Variants in DNAJC21 observed in about 807,000 individuals in gnomAD.
DNAJC21 encodes dnaJ homolog subfamily C member 21.
Under a neutral mutation model 72.4 loss-of-function variants are expected in DNAJC21, and 63 were observed. That is an observed-to-expected ratio of 0.87 (90% CI 0.71 to 1.07). The LOEUF is 1.07. Ranked by LOEUF, DNAJC21 falls within the 50% of genes least tolerant of loss-of-function variation. DNAJC21 has a pLI of 0.00. For missense variants in DNAJC21, 634 were observed against 644.8 expected (o/e 0.98, Z 0.18); for synonymous variants, 203 against 216.7 (o/e 0.94, Z 0.56).
At chr5:34,943,305 T>G (rs1765060508) in intron 7 of DNAJC21, among the ~76,000 whole-genome samples, 1 of 152,176 alleles carries the variant, frequency 6.6e-6, no homozygotes, top group South Asian at 2.1e-4. Context: ...AAGTACACTG[T>G]TTTCACTTTT....
chr5:34,934,576 A>G (rs1364624731), intron 2 of DNAJC21, among the ~76,000 whole-genome samples: 1 of 152,160 alleles, frequency 6.6e-6, no homozygotes, highest in Non-Finnish European at 1.5e-5. Flanking sequence ...AAACTACTTT[A>G]TATGAAGAAA....
At chr5:34,944,240 G>A (rs772764722) in intron 7 of DNAJC21, among the ~76,000 whole-genome samples, 1 of 152,152 alleles carries the variant, frequency 6.6e-6, no homozygotes, top group African/African-American at 2.4e-5. Context: ...TGTACGTTAC[G>A]GTGGTGAGAG....
intron 9 of DNAJC21, among the ~76,000 whole-genome samples, chr5:34,946,373 A>G (rs1765175016): frequency 6.6e-6 from 1 of 152,172 alleles, no homozygotes; most frequent in Non-Finnish European, 1.5e-5. Flanking sequence ...ATACCTATAA[A>G]AATAAAGTGA....
rs961474180 is a variant in DNAJC21, at chr5:34,957,871, C to T, written c.*3157C>T. On this transcript the variant is annotated 3_prime_UTR_variant, in exon 12 of 12. Coordinates refer to ENST00000648817, the MANE Select transcript of DNAJC21 (RefSeq NM_001012339.3). ...CATTACCATTTATGTGGCAGAAGTT[C>T]TGTTCCCTATAATCTGCAATGCTGA... 1 of 152,208 alleles carries T rather than the reference C, an allele frequency of 6.6e-6. No homozygotes were observed. Among genetic ancestry groups the T allele is most frequent in the Non-Finnish European group, 1.5e-5 (1 of 68,030 alleles). 9.4% of individuals were successfully genotyped at this position (152,208 alleles called of 1,614,324 possible).
intron 9 of DNAJC21, among the ~76,000 whole-genome samples, chr5:34,949,043 CATGG>C (rs1465939625): frequency 1.3e-5 from 2 of 152,146 alleles, no homozygotes; most frequent in African/African-American, 2.4e-5. Flanking sequence ...GGTAAATGGT[CATGG>C]GGACAGGATA....
At chr5:34,943,826 T>G (rs1310872917) in intron 7 of DNAJC21, among the ~76,000 whole-genome samples, 3 of 152,232 alleles carry the variant, frequency 2.0e-5, no homozygotes, top group Non-Finnish European at 4.4e-5. Context: ...ATTTCTTTTT[T>G]TCAGTGTTTT....
chr5:34,942,312 C>T (rs974460156), intron 7 of DNAJC21, among the ~76,000 whole-genome samples: 2 of 151,886 alleles, frequency 1.3e-5, no homozygotes, highest in African/African-American at 2.4e-5. Context: ...AGTATTAAAA[C>T]GGATACCATT....
At chr5:34,930,110 C>T in intron 1 of DNAJC21, 194 bp downstream of exon 1, 3 of 410,988 alleles carry the variant, frequency 7.3e-6, no homozygotes, top group Non-Finnish European at 1.4e-5. Context: ...CTGGCGCACC[C>T]CGGCTCACAC....
chr5:34,942,806 C>G (rs1368170407), intron 7 of DNAJC21, among the ~76,000 whole-genome samples: 1 of 152,126 alleles, frequency 6.6e-6, no homozygotes, highest in East Asian at 1.9e-4. Context: ...CAGTGGCTCA[C>G]GCCTGTAATC....
Position 34,929,678 on chromosome 5 carries a change from C to T in DNAJC21, c.-142C>T. The stretch of plus-strand genomic sequence containing the variant: ...ACCACCGCCGCCGCCGCCGCCGCCG[C>T]CGGGCTCGCTGGCTGGCCCGGTGCG... On this transcript the variant is annotated 5_prime_UTR_variant, in exon 1 of 12. Transcript: ENST00000648817. 4.9e-6 allele frequency: 1 copy of T among 204,746 alleles called. No homozygotes were observed. The highest frequency in any genetic ancestry group is 8.5e-6 in the Non-Finnish European group (1 of 117,196). 12.7% of individuals were successfully genotyped at this position (204,746 alleles called of 1,614,324 possible). A position where few individuals can be genotyped will look rare whatever the true frequency, so the allele number is the denominator to read the frequency against.
intron 10 of DNAJC21, chr5:34,951,597 G>A (rs904259672): frequency 1.0e-4 from 100 of 970,568 alleles, no homozygotes; most frequent in Admixed American, 1.9e-4. Context: ...GCGCAACCTC[G>A]GCTCACTGCA....
intron 9 of DNAJC21, chr5:34,949,616 G>T (rs1203771767): frequency 6.2e-7 from 1 of 1,602,196 alleles, no homozygotes. Context: ...TGTGTGTTGG[G>T]AGAGAGAAGA....
Position 34,954,761 on chromosome 5 carries a change from A to G in DNAJC21, c.*47A>G, listed in dbSNP as rs1480321291. Reference sequence around the variant, plus strand: ...TTGACTGTCTCTAGATTTTGAAACCAAAAAACTGAACTGAAATCATCTAAA... The same window carrying G: ...TTGACTGTCTCTAGATTTTGAAACCGAAAAACTGAACTGAAATCATCTAAA... On this transcript the variant is annotated 3_prime_UTR_variant, in exon 12 of 12. Coordinates refer to ENST00000648817, the MANE Select transcript of DNAJC21 (RefSeq NM_001012339.3). 1 of 1,498,010 alleles carries G rather than the reference A, an allele frequency of 6.7e-7. No homozygotes were observed. The highest frequency in any genetic ancestry group is 2.4e-5 in the East Asian group (1 of 41,174). The allele number at this position is 1,498,010 out of a possible 1,614,324, so 92.8% of individuals were successfully genotyped here.
rs553174572 is a variant in DNAJC21 at position 34,956,606 on chromosome 5, G to T, written c.*1892G>T. 3.9e-5 allele frequency: 6 copies of T among 152,308 alleles called. 1 individual carries two copies. In the East Asian group the frequency reaches 9.7e-4, roughly 25 times the overall value. 9.4% of individuals were successfully genotyped at this position (152,308 alleles called of 1,614,324 possible). On this transcript the variant is annotated 3_prime_UTR_variant, in exon 12 of 12. Transcript: ENST00000648817. ...CATGTTATTATACACTAAAAAATAGGAAGTCATCTTGAAAGGCAGTTAATG... is the reference window on the plus strand; with the variant it reads ...CATGTTATTATACACTAAAAAATAGTAAGTCATCTTGAAAGGCAGTTAATG...
chr5:34,948,424 T>C (rs188303906), intron 9 of DNAJC21, among the ~76,000 whole-genome samples: 190 of 152,336 alleles, frequency 1.2e-3, no homozygotes, highest in African/African-American at 4.2e-3. Flanking sequence ...GCTCAAAAAC[T>C]GATGGGGATA....
rs1423530138 is a variant in DNAJC21, at chr5:34,955,817, G to C, written c.*1103G>C. 6.6e-6 allele frequency: 1 copy of C among 151,584 alleles called. No individual in the cohort carries two copies. The highest frequency in any genetic ancestry group is 2.4e-5 in the African/African-American group (1 of 41,294). 9.4% of individuals were successfully genotyped at this position (151,584 alleles called of 1,614,324 possible). On this transcript the variant is annotated 3_prime_UTR_variant, in exon 12 of 12. Coordinates refer to ENST00000648817, the MANE Select transcript of DNAJC21 (RefSeq NM_001012339.3). ...GCCTGTAATCCCAGCACTTTGGGAG[G>C]CCGAGGCGGGCGGATCACGAGGTCA...
At chr5:34,945,076 T>G in intron 8 of DNAJC21, 51 bp downstream of exon 8, 1 of 1,587,826 alleles carries the variant, frequency 6.3e-7, no homozygotes, top group Non-Finnish European at 8.6e-7. Flanking sequence ...ATTCAGAGAT[T>G]GCATTAAAAG....
chr5:34,930,653 A>G (rs1053151995), intron 1 of DNAJC21, among the ~76,000 whole-genome samples: 1 of 152,132 alleles, frequency 6.6e-6, no homozygotes, highest in African/African-American at 2.4e-5. Flanking sequence ...AGGCTGGGAA[A>G]CTAAGAGAGT....
At chr5:34,935,577 T>C (rs758297840) in intron 2 of DNAJC21, 133 bp from the exon 3 acceptor site, 12 of 984,416 alleles carry the variant, frequency 1.2e-5, no homozygotes, top group Non-Finnish European at 1.6e-5. Context: ...AATATTTCAT[T>C]AAAAATTTTT....
Sources: gnomAD v4.1 joint callset for allele counts (sites outside exome capture counted in the v4.1 genomes callset) on GRCh38, gnomAD v4.1.1 for gene constraint, MANE v1.5 for transcripts, NCBI Gene and HGNC (gene_info 2026-07-23, HGNC 2026-07-21) for gene names.